TRRAP: variants seen among roughly 807,000 people sequenced by gnomAD.
The protein encoded by TRRAP is transformation/transcription domain associated protein.
In TRRAP, 41 loss-of-function variants were observed where a neutral mutation model predicts 438.8. That is an observed-to-expected ratio of 0.09 (90% CI 0.07 to 0.12). The LOEUF is 0.12. Ranked by LOEUF, TRRAP falls within the 10% of genes least tolerant of loss-of-function variation. TRRAP has a pLI of 1.00. For synonymous variants in TRRAP, 1,994 were observed against 1,962.9 expected, an observed-to-expected ratio of 1.02 and a Z score of -0.42; for missense variants, 3,122 against 5,055.1, an observed-to-expected ratio of 0.62 and a Z score of 11.60.
chr7:98,999,365 C>T, intron 67 of TRRAP: 2 of 1,394,986 alleles, frequency 1.4e-6, no homozygotes, highest in Non-Finnish European at 2.0e-6. Context: ...ATTCCACATC[C>T]TGCACAGCTC....
At position 98,919,199 on chromosome 7, in the gene TRRAP, C is replaced by G. The variant is rs186864501; in HGVS notation, c.2622+1520C>G. On this transcript the variant is annotated intron_variant, in intron 20 of 72. Transcript: ENST00000456197. ...TGGAGGCTCAGTTACTCCTAGGAGT[C>G]TCTGTTCAAATTAGATTGGAGACTG... 1.7e-3 allele frequency among the ~76,000 whole-genome samples: 264 copies of G among 152,148 alleles called. 3 individuals are homozygous for G. The highest frequency in any genetic ancestry group is 5.7e-3 in the African/African-American group (238 of 41,520).
chr7:98,958,149 C>T, intron 44 of TRRAP, 58 bp downstream of exon 44: 2 of 1,461,368 alleles, frequency 1.4e-6, no homozygotes, highest in Non-Finnish European at 9.4e-7. Context: ...TACTGACTAA[C>T]ACCCCAGGAG....
chr7:98,976,570 G>T lies in TRRAP; in HGVS notation c.8047G>T (p.Val2683Leu). Reference protein sequence around the residue: ...DCQPSALNCFVEAMSQCVPPI... With the variant: ...DCQPSALNCFLEAMSQCVPPI... The stretch of plus-strand genomic sequence containing the variant: ...CCAGCCCAGCGCGCTGAACTGCTTT[G>T]TGGAAGCCATGTCCCAGTGCGTGCC... The change falls in exon 55 of 73, where the codon GTG becomes TTG. Residue 2683 changes from valine (V) to leucine (L), a missense_variant. Around this residue, in one of 24 missense-constraint regions of TRRAP, gnomAD observed 992 missense variants for 1,281.2 expected, o/e 0.77. Coordinates refer to ENST00000456197, the MANE Select transcript of TRRAP (RefSeq NM_001375524.1). The surrounding 1 kb of genome is among the most constrained non-coding windows in gnomAD (Gnocchi z 4.6). The T allele has an allele frequency of 6.2e-7, 1 of 1,614,164 alleles. No homozygotes were observed. Among genetic ancestry groups the T allele is most frequent in the Non-Finnish European group, 8.5e-7 (1 of 1,180,046 alleles).
intron 1 of TRRAP, among the ~76,000 whole-genome samples, chr7:98,879,925 C>T (rs1795340992): frequency 6.6e-6 from 1 of 152,142 alleles, no homozygotes; most frequent in Non-Finnish European, 1.5e-5. Context: ...CATGAAACCA[C>T]CTGTTAGTGC....
At chr7:98,965,086 C>A (rs1792091581) in intron 48 of TRRAP, among the ~76,000 whole-genome samples, 1 of 152,224 alleles carries the variant, frequency 6.6e-6, no homozygotes. Context: ...TGTGAATATC[C>A]ACTGCACTCA....
chr7:98,914,601 GC>G (rs1554409300), intron 18 of TRRAP, among the ~76,000 whole-genome samples: 1 of 151,226 alleles, frequency 6.6e-6, no homozygotes, highest in Admixed American at 6.6e-5. Flanking sequence ...TGTAATCTCA[GC>G]TACTCAGGAG....
chr7:98,932,621 G>A (rs1790373550), intron 26 of TRRAP, among the ~76,000 whole-genome samples: 1 of 152,024 alleles, frequency 6.6e-6, no homozygotes, highest in Admixed American at 6.6e-5. Flanking sequence ...TGGGATTACA[G>A]GCGTGAGCCA....
Position 98,994,565 on chromosome 7 carries a change from G to A in TRRAP, c.10048-22G>A, listed in dbSNP as rs751423324. On this transcript the variant is annotated intron_variant, in intron 66 of 72. Coordinates refer to ENST00000456197, the MANE Select transcript of TRRAP (RefSeq NM_001375524.1). The surrounding 1 kb of genome is among the most constrained non-coding windows in gnomAD (Gnocchi z 4.8). ...GAGTGGAGGGCTGTGTTTGTCAGTT[G>A]TCTCTGGCTCTTTTCTACCAGGTTC... 8.1e-6 allele frequency: 13 copies of A among 1,613,130 alleles called. No homozygotes were observed. Among genetic ancestry groups the A allele is most frequent in the Non-Finnish European group, 1.0e-5 (12 of 1,179,622 alleles).
intron 59 of TRRAP, among the ~76,000 whole-genome samples, chr7:98,982,529 T>C (rs2240374): frequency 0.1 from 15,431 of 152,210 alleles, 873 homozygotes; most frequent in East Asian, 0.27. Flanking sequence ...AATTTACATT[T>C]GGAGGGAGAC....
chr7:99,010,129 A>G (rs1794365738), intron 70 of TRRAP, among the ~76,000 whole-genome samples: 1 of 151,888 alleles, frequency 6.6e-6, no homozygotes, highest in Admixed American at 6.6e-5. Flanking sequence ...CTCGTGATCC[A>G]CCCACCTCGG....
intron 68 of TRRAP, among the ~76,000 whole-genome samples, 175 bp downstream of exon 68, chr7:99,004,590 G>A (rs968548142): frequency 2.0e-5 from 3 of 152,176 alleles, no homozygotes; most frequent in African/African-American, 2.4e-5. Flanking sequence ...TTCTGCCCGC[G>A]CTGACTGGTT....
Position 98,976,144 on chromosome 7 carries a change from C to A in TRRAP, c.7840-5C>A. The A allele has an allele frequency of 6.2e-7, 1 of 1,613,742 alleles. No individual in the cohort carries two copies. Among genetic ancestry groups the A allele is most frequent in the Non-Finnish European group, 8.5e-7 (1 of 1,179,848 alleles). Reference sequence around the variant, plus strand: ...CATCTCAGCCTGTTGTCTTTCTGTTCATAGACTGGAGCGCTGCTCAGCGCT... The same window carrying A: ...CATCTCAGCCTGTTGTCTTTCTGTTAATAGACTGGAGCGCTGCTCAGCGCT... On this transcript the variant is annotated splice_polypyrimidine_tract_variant and splice_region_variant and intron_variant, in intron 53 of 72. Transcript: ENST00000456197. This position sits in a 1 kb window ranked among gnomAD's most constrained non-coding sequence, Gnocchi z 4.6.
At chr7:98,883,941 G>A (rs1225083701) in intron 3 of TRRAP, among the ~76,000 whole-genome samples, 4 of 152,202 alleles carry the variant, frequency 2.6e-5, no homozygotes, top group Admixed American at 6.5e-5. Context: ...ACCAGCTGAT[G>A]CCACTGAATT....
At chr7:98,884,473 G>T (rs545833448) in intron 3 of TRRAP, among the ~76,000 whole-genome samples, 1 of 152,102 alleles carries the variant, frequency 6.6e-6, no homozygotes, top group Admixed American at 6.6e-5. Flanking sequence ...GACCTTAAGC[G>T]ATCCACCCAC....
chr7:98,894,923 G>A (rs988259678), intron 6 of TRRAP, among the ~76,000 whole-genome samples: 13 of 150,238 alleles, frequency 8.7e-5, no homozygotes, highest in African/African-American at 1.2e-4. Context: ...GGCATGAACC[G>A]CCATGCCTGG....
intron 20 of TRRAP, among the ~76,000 whole-genome samples, chr7:98,921,384 G>GT (rs1319118372): frequency 6.6e-5 from 10 of 151,326 alleles, no homozygotes; most frequent in Admixed American, 3.3e-4. Context: ...CACTTTGAGG[G>GT]TTTTTTTTGA....
rs1791641191 is a variant in TRRAP at position 98,956,793 on chromosome 7, C to G, written c.6231+260C>G. Among the ~76,000 whole-genome samples, 1 of 152,108 alleles carries G rather than the reference C, an allele frequency of 6.6e-6. No individual in the cohort carries two copies. Among genetic ancestry groups the G allele is most frequent in the Non-Finnish European group, 1.5e-5 (1 of 68,032 alleles). ...TGGTTGATTACTTGCAGAAAGGCAT[C>G]TAGAGAAACTCTTTGAAGTAAGGAG... On this transcript the variant is annotated intron_variant, in intron 43 of 72. Coordinates refer to ENST00000456197, the MANE Select transcript of TRRAP (RefSeq NM_001375524.1). The surrounding 1 kb of genome is among the most constrained non-coding windows in gnomAD (Gnocchi z 4.5).
At position 98,994,544 on chromosome 7, in the gene TRRAP, G is replaced by A. The variant is rs764920429; in HGVS notation, c.10048-43G>A. 1 of 1,610,512 alleles carries A rather than the reference G, an allele frequency of 6.2e-7. No individual in the cohort carries two copies. The highest frequency in any genetic ancestry group is 8.5e-7 in the Non-Finnish European group (1 of 1,178,144). On this transcript the variant is annotated intron_variant, in intron 66 of 72. Coordinates refer to ENST00000456197, the MANE Select transcript of TRRAP (RefSeq NM_001375524.1). The surrounding 1 kb of genome is among the most constrained non-coding windows in gnomAD (Gnocchi z 4.8). The stretch of plus-strand genomic sequence containing the variant: ...CGCTTTTGGCTGCTGGTTCTGGAGT[G>A]GAGGGCTGTGTTTGTCAGTTGTCTC...
In TRRAP at chr7:98,927,232, C is replaced by T; in HGVS notation, c.3041C>T (p.Ala1014Val). The change falls in exon 23 of 73, where the codon GCC (alanine) becomes GTC (valine). Residue 1014 changes from alanine to valine, a missense_variant. By Grantham distance (64) the Ala-to-Val change is moderately conservative. Around this residue, in one of 24 missense-constraint regions of TRRAP, gnomAD observed 133 missense variants for 188.6 expected, o/e 0.71. Transcript: ENST00000456197. ...SHRYKAQDTP[A>V]RKTFEQALTG... ...CGCTACAAAGCCCAGGACACTCCAG[C>T]CCGGAAGACTTTTGAGCAGGCCCTG... 6.2e-7 allele frequency: 1 copy of T among 1,614,242 alleles called. No homozygotes were observed.
Sources: allele counts gnomAD v4.1 joint callset (sites outside exome capture counted in the v4.1 genomes callset), GRCh38; gene constraint gnomAD v4.1.1; regional missense constraint gnomAD v4.1.1; non-coding constraint Gnocchi (gnomAD v3.1); transcripts MANE v1.5; gene names NCBI Gene and HGNC (gene_info 2026-07-23, HGNC 2026-07-21).